The following ARID5B variants were observed in gnomAD, a reference collection of about 807,000 sequenced individuals.
The protein encoded by ARID5B is AT-rich interaction domain 5B.
A neutral mutation model predicts 97.2 loss-of-function variants in ARID5B; 13 were observed. The observed-to-expected ratio is 0.13, with a 90% CI of 0.09 to 0.21. The LOEUF (loss-of-function observed/expected upper bound fraction) is 0.21. Ranked by LOEUF, ARID5B falls within the 10% of genes least tolerant of loss-of-function variation. ARID5B has a pLI of 1.00. For missense variants in ARID5B, 1,210 were observed against 1,465.3 expected, an observed-to-expected ratio of 0.83 and a Z score of 2.84; for synonymous variants, 556 against 570.3, an observed-to-expected ratio of 0.97 and a Z score of 0.36.
At position 61,902,528 on chromosome 10, in the gene ARID5B, CT is replaced by C. The variant is rs1843634040; in HGVS notation, c.276+116del. ...CACTTCTGCAGGCAAGCAGGATCGA[CT>C]CCTTTTTTAAAGGGGTAGCGCCACT... On this transcript the variant is annotated intron_variant, in intron 2 of 9. Transcript: ENST00000279873. 8 of 1,417,086 alleles carry C rather than the reference CT, an allele frequency of 5.6e-6. No homozygotes were observed. In the Admixed American group the frequency reaches 9.0e-5, roughly 16 times the overall value. The allele number at this position is 1,417,086 out of a possible 1,614,324, so 87.8% of individuals were successfully genotyped here.
intron 3 of ARID5B, among the ~76,000 whole-genome samples, chr10:61,982,933 A>G (rs1472420193): frequency 6.6e-6 from 1 of 152,252 alleles, no homozygotes; most frequent in South Asian, 2.1e-4. Context: ...CCCTCCGATC[A>G]GAAAGAGTAA....
intron 2 of ARID5B, among the ~76,000 whole-genome samples, chr10:61,922,257 G>A (rs1232995999): frequency 1.3e-5 from 2 of 152,190 alleles, no homozygotes; most frequent in African/African-American, 4.8e-5. Flanking sequence ...AGAGAAATGA[G>A]GAAGGAGGAT....
chr10:61,905,445 G>GTT (rs71022103), intron 2 of ARID5B, among the ~76,000 whole-genome samples: 3,648 of 143,512 alleles, frequency 0.025, 146 homozygotes, highest in African/African-American at 0.086. Context: ...TTTGCAGAGG[G>GTT]TTTTTTTTTT....
rs1844362073 is a variant in ARID5B, at chr10:61,939,503, AC to A, written c.277-677del. On this transcript the variant is annotated intron_variant, in intron 2 of 9. Coordinates refer to ENST00000279873, the MANE Select transcript of ARID5B (RefSeq NM_032199.3). Reference sequence around the variant, plus strand: ...AAATTCAAAGACTTTTTCCTCACTCACCCTCTCACCCTCTACCCCATCTGTA... The same window carrying A: ...AAATTCAAAGACTTTTTCCTCACTCACCTCTCACCCTCTACCCCATCTGTA... Among the ~76,000 whole-genome samples the A allele has an allele frequency of 3.9e-5, 6 of 152,144 alleles. No homozygotes were observed. The South Asian group carries it at 1.2e-3, about 32-fold the overall frequency.
At chr10:61,903,616 C>G (rs1216581004) in intron 2 of ARID5B, among the ~76,000 whole-genome samples, 1 of 152,190 alleles carries the variant, frequency 6.6e-6, no homozygotes, top group Non-Finnish European at 1.5e-5. Context: ...GCCAGGCTCT[C>G]GAGCTTTCGA....
intron 3 of ARID5B, among the ~76,000 whole-genome samples, chr10:61,950,450 C>T (rs1205694007): frequency 6.6e-6 from 1 of 152,188 alleles, no homozygotes; most frequent in Non-Finnish European, 1.5e-5. Flanking sequence ...GGGAGGATTG[C>T]TTGAGGCCAG....
At chr10:61,950,612 G>A (rs1420015224) in intron 3 of ARID5B, among the ~76,000 whole-genome samples, 1 of 152,216 alleles carries the variant, frequency 6.6e-6, no homozygotes, top group Non-Finnish European at 1.5e-5. Flanking sequence ...CAAGGTTGCA[G>A]TGAGCTAAGA....
At chr10:62,030,427 G>A (rs1221713277) in intron 4 of ARID5B, among the ~76,000 whole-genome samples, 1 of 151,928 alleles carries the variant, frequency 6.6e-6, no homozygotes, top group Admixed American at 6.6e-5. Flanking sequence ...CACCACGCCC[G>A]GCCAATGCAG....
At chr10:62,060,302 G>A (rs1290118953) in intron 7 of ARID5B, among the ~76,000 whole-genome samples, 1 of 152,144 alleles carries the variant, frequency 6.6e-6, no homozygotes, top group Non-Finnish European at 1.5e-5. Context: ...GGGGAAAGAG[G>A]ACAAGCATTA....
chr10:62,066,130 G>A (rs916813909), intron 7 of ARID5B, among the ~76,000 whole-genome samples: 7 of 152,150 alleles, frequency 4.6e-5, no homozygotes, highest in African/African-American at 1.7e-4. Context: ...CTATAAGCAA[G>A]TACATAATTA....
intron 2 of ARID5B, among the ~76,000 whole-genome samples, chr10:61,905,898 G>A (rs1044360275): frequency 6.6e-6 from 1 of 152,146 alleles, no homozygotes; most frequent in Non-Finnish European, 1.5e-5. Context: ...TGATGGTGAT[G>A]ATTTATATGC....
intron 4 of ARID5B, among the ~76,000 whole-genome samples, chr10:62,021,588 G>A (rs1389539421): frequency 1.3e-5 from 2 of 152,216 alleles, no homozygotes; most frequent in East Asian, 3.8e-4. Context: ...TATTTACCAA[G>A]AAGTATCTCC....
chr10:61,965,017 T>A (rs1302195971), intron 3 of ARID5B, among the ~76,000 whole-genome samples: 1 of 152,198 alleles, frequency 6.6e-6, no homozygotes, highest in African/African-American at 2.4e-5. Context: ...TACCAGCAAA[T>A]GCTTTGGGGC....
intron 2 of ARID5B, among the ~76,000 whole-genome samples, chr10:61,922,539 G>A (rs1281179724): frequency 6.6e-6 from 1 of 152,196 alleles, no homozygotes; most frequent in Non-Finnish European, 1.5e-5. Context: ...GGAGGTGGAG[G>A]TTGCAGTGAG....
At chr10:61,939,487 GA>G (rs1260333485) in intron 2 of ARID5B, among the ~76,000 whole-genome samples, 1 of 152,068 alleles carries the variant, frequency 6.6e-6, no homozygotes, top group African/African-American at 2.4e-5. Context: ...TAAATTCAAA[GA>G]CTTTTTCCTC....
chr10:61,953,074 C>A (rs1035104010), intron 3 of ARID5B, among the ~76,000 whole-genome samples: 2 of 151,846 alleles, frequency 1.3e-5, no homozygotes, highest in Non-Finnish European at 2.9e-5. Context: ...GATTGTAGCA[C>A]GACATCTAGT....
chr10:62,082,090 G>T (rs1210481199), intron 8 of ARID5B, among the ~76,000 whole-genome samples: 2 of 151,836 alleles, frequency 1.3e-5, no homozygotes, highest in Admixed American at 6.6e-5. Context: ...ATAGCAAAAG[G>T]CCCCCCTACT....
At chr10:62,058,883 G>A (rs1023103318) in intron 6 of ARID5B, among the ~76,000 whole-genome samples, 16 of 152,172 alleles carry the variant, frequency 1.1e-4, no homozygotes, top group African/African-American at 2.2e-4. Context: ...AATCAATGGC[G>A]TCTAAGGGTC....
rs574389514 is a variant in ARID5B at position 62,094,017 on chromosome 10, A to C, written c.*987A>C. 6.0e-5 allele frequency: 14 copies of C among 233,558 alleles called. No homozygotes were observed. Among genetic ancestry groups the C allele is most frequent in the Admixed American group, 2.2e-4 (4 of 17,784 alleles). 14.5% of individuals were successfully genotyped at this position (233,558 alleles called of 1,614,324 possible). A position where few individuals can be genotyped will look rare whatever the true frequency, so the allele number is the denominator to read the frequency against. On this transcript the variant is annotated 3_prime_UTR_variant, in exon 10 of 10. Transcript: ENST00000279873. ...ATTGGGTTCTGTGAAAATATTGAGC[A>C]TTGTACTTACCTTATCTAGGCTGTG... is the stretch of plus-strand genomic sequence containing the variant.
Sources: allele counts gnomAD v4.1 joint callset (sites outside exome capture counted in the v4.1 genomes callset), GRCh38; gene constraint gnomAD v4.1.1; transcripts MANE v1.5; gene names NCBI Gene and HGNC (gene_info 2026-07-23, HGNC 2026-07-21).